The following ZSCAN5A variants were observed in gnomAD, a reference collection of about 807,000 sequenced individuals.
ZSCAN5A encodes the protein zinc finger and SCAN domain-containing protein 5A.
ZSCAN5A carries 12 observed loss-of-function variants against 23.7 expected under a neutral mutation model. That is an observed-to-expected ratio of 0.51 (90% confidence interval 0.32 to 0.82). The LOEUF (loss-of-function observed/expected upper bound fraction) is 0.82, where lower values mean the gene tolerates loss of function less well. Among genes scored for constraint, ZSCAN5A ranks in the 40% least tolerant of loss-of-function variants. The pLI is 0.03. For synonymous variants in ZSCAN5A, 257 were observed against 239.9 expected (o/e 1.07, Z -0.66); for missense variants, 597 against 617.9 (o/e 0.97, Z 0.36).
At chr19:56,302,534 T>TCCTCC (rs2040347642) in intron 2 of ZSCAN5A, among the ~76,000 whole-genome samples, 4 of 19,476 alleles carry the variant, frequency 2.1e-4, no homozygotes, top group East Asian at 1.2e-3. Flanking sequence ...CCCTCCCTCT[T>TCCTCC]CTTCCTCCCC....
intron 2 of ZSCAN5A, among the ~76,000 whole-genome samples, chr19:56,261,610 A>C (rs1338313972): frequency 6.6e-6 from 1 of 152,050 alleles, no homozygotes; most frequent in Non-Finnish European, 1.5e-5. Flanking sequence ...AAATTGAGAG[A>C]GAGAGGGAGA....
Position 56,281,670 on chromosome 19 carries a change from C to A in ZSCAN5A, c.-128+31613G>T. ...AATTTTCCATGTTGATTCACTGGCT[C>A]CTGGCTCTGCTGCCCCTTCCAGTCA... is the stretch of plus-strand genomic sequence containing the variant. On this transcript the variant is annotated intron_variant, in intron 2 of 5. Coordinates refer to ENST00000683990, the MANE Select transcript of ZSCAN5A (RefSeq NM_001322064.3). 3.0e-6 allele frequency: 3 copies of A among 985,106 alleles called. No homozygotes were observed. The South Asian group carries it at 1.4e-4, about 46-fold the overall frequency. The allele number at this position is 985,106 out of a possible 1,614,324, so 61.0% of individuals were successfully genotyped here. A position where few individuals can be genotyped will look rare whatever the true frequency, so the allele number is the denominator to read the frequency against.
chr19:56,313,500 A>C (rs1429512244), intron 1 of ZSCAN5A, 116 bp from the exon 2 acceptor site: 1 of 154,328 alleles, frequency 6.5e-6, no homozygotes, highest in African/African-American at 2.4e-5. Flanking sequence ...ACATGTGGGA[A>C]TTCAAGATGA....
intron 2 of ZSCAN5A, among the ~76,000 whole-genome samples, chr19:56,308,086 C>T (rs530032635): frequency 3.3e-5 from 5 of 152,316 alleles, no homozygotes; most frequent in East Asian, 1.9e-4. Flanking sequence ...CAGGCTGGAG[C>T]GCAGTGGCGC....
intron 2 of ZSCAN5A, among the ~76,000 whole-genome samples, chr19:56,325,866 G>C (rs753602886): frequency 1.8e-4 from 27 of 152,008 alleles, no homozygotes; most frequent in Non-Finnish European, 2.8e-4. Context: ...TGCCAGCTTT[G>C]AGTTTTGATT....
intron 2 of ZSCAN5A, among the ~76,000 whole-genome samples, chr19:56,336,136 G>C (rs1456180730): frequency 6.6e-6 from 1 of 152,204 alleles, no homozygotes; most frequent in Non-Finnish European, 1.5e-5. Context: ...GGCCTGCCTT[G>C]CTAGATTGGG....
At chr19:56,334,158 C>T (rs545112718) in intron 2 of ZSCAN5A, among the ~76,000 whole-genome samples, 1 of 152,300 alleles carries the variant, frequency 6.6e-6, no homozygotes, top group South Asian at 2.1e-4. Context: ...CAACCATGTA[C>T]CCAGAGGTGT....
intron 2 of ZSCAN5A, among the ~76,000 whole-genome samples, chr19:56,356,549 C>T (rs1006555052): frequency 2.0e-5 from 3 of 147,834 alleles, no homozygotes; most frequent in Non-Finnish European, 4.5e-5. Flanking sequence ...CTAACTTCTA[C>T]TACGGGGTGG....
intron 2 of ZSCAN5A, among the ~76,000 whole-genome samples, chr19:56,356,501 T>A (rs1379678839): frequency 6.8e-6 from 1 of 147,984 alleles, no homozygotes; most frequent in African/African-American, 2.6e-5. Context: ...ATGAGGCTCA[T>A]GGAGCACAGA....
intron 2 of ZSCAN5A, among the ~76,000 whole-genome samples, chr19:56,335,905 T>C (rs1474792637): frequency 6.6e-6 from 1 of 152,238 alleles, no homozygotes; most frequent in Non-Finnish European, 1.5e-5. Context: ...GAATGTTGAA[T>C]ATTGGCCCCC....
chr19:56,350,715 T>C (rs1430794062), intron 2 of ZSCAN5A, among the ~76,000 whole-genome samples: 1 of 152,198 alleles, frequency 6.6e-6, no homozygotes, highest in Admixed American at 6.5e-5. Context: ...CTGTCAGTTA[T>C]GGTCTAACAG....
intron 2 of ZSCAN5A, among the ~76,000 whole-genome samples, chr19:56,284,841 G>T (rs568173299): frequency 6.6e-6 from 1 of 152,106 alleles, no homozygotes; most frequent in Admixed American, 6.6e-5. Flanking sequence ...GTAGGAAAGG[G>T]GATTAAGTGG....
At chr19:56,318,755 A>G (rs1023608687), upstream of ZSCAN5A, among the ~76,000 whole-genome samples, 2 of 152,250 alleles carry the variant, frequency 1.3e-5, no homozygotes, top group Non-Finnish European at 2.9e-5. Flanking sequence ...ATTTTGAAAC[A>G]GACAAAGCCA....
Position 56,273,262 on chromosome 19 carries a change from G to A in ZSCAN5A, c.-128+40021C>T, listed in dbSNP as rs1321105146. ...TGTTGCATGTCATTGACGAGCTTAC[G>A]TTGTGCAGTGCCTGGAAGTCAACAT... On this transcript the variant is annotated intron_variant, in intron 2 of 5. Coordinates refer to ENST00000683990, the MANE Select transcript of ZSCAN5A (RefSeq NM_001322064.3). 6.6e-5 allele frequency among the ~76,000 whole-genome samples: 10 copies of A among 152,278 alleles called. No individual in the cohort carries two copies. The East Asian group carries it at 1.5e-3, about 23-fold the overall frequency.
In ZSCAN5A at chr19:56,222,629, C is replaced by T. The variant is rs763074148; in HGVS notation, c.701G>A (p.Gly234Glu). ...AAGCTGAGGCTCTGGGGATGTCAGT[C>T]CTGGGTTCTCTTCCCTGTTTTCCTT... ...DLKENREENP[G>E]LTSPEPQLPK... is the part of the protein sequence containing the mutation. The change falls in exon 5 of 6, where the codon GGA becomes GAA. Residue 234 changes from glycine (G) to glutamate (E), a missense_variant. By Grantham distance (98) the Gly-to-Glu change is moderately conservative (BLOSUM62 -2). This residue lies in a region of ZSCAN5A where 406 missense variants were observed against 353.2 expected (regional missense o/e 1.15). Transcript: ENST00000683990. 6.2e-7 allele frequency: 1 copy of T among 1,614,186 alleles called. No homozygotes were observed. Among genetic ancestry groups the T allele is most frequent in the East Asian group, 2.2e-5 (1 of 44,874 alleles).
At chr19:56,256,377 A>G (rs1215238935) in intron 2 of ZSCAN5A, among the ~76,000 whole-genome samples, 1 of 152,080 alleles carries the variant, frequency 6.6e-6, no homozygotes, top group Admixed American at 6.6e-5. Context: ...TGGTTTTTGT[A>G]GAGACAGAGT....
chr19:56,222,823 T>C, intron 4 of ZSCAN5A, 82 bp from the exon 5 acceptor site: 21 of 1,588,448 alleles, frequency 1.3e-5, no homozygotes, highest in Non-Finnish European at 1.8e-5. Context: ...TCTGATTGGA[T>C]GCAACAACTC....
chr19:56,228,038 A>G (rs1393571625), intron 2 of ZSCAN5A, among the ~76,000 whole-genome samples: 1 of 152,168 alleles, frequency 6.6e-6, no homozygotes, highest in African/African-American at 2.4e-5. Flanking sequence ...AAATAAAATA[A>G]AATATAACCT....
intron 2 of ZSCAN5A, among the ~76,000 whole-genome samples, chr19:56,243,023 C>A (rs1391888865): frequency 6.6e-6 from 1 of 152,218 alleles, no homozygotes; most frequent in Non-Finnish European, 1.5e-5. Flanking sequence ...AAGTGATCCT[C>A]CCGTCTTGGC....
Sources: gnomAD v4.1 joint callset for allele counts (sites outside exome capture counted in the v4.1 genomes callset) on GRCh38, gnomAD v4.1.1 for gene constraint, gnomAD v4.1.1 regional missense constraint, MANE v1.5 for transcripts, NCBI Gene and HGNC (gene_info 2026-07-23, HGNC 2026-07-21) for gene names.